DNHD1: variants seen among roughly 807,000 people sequenced by gnomAD.
DNHD1 encodes dynein heavy chain domain-containing protein 1.
In DNHD1, 383 loss-of-function variants were observed where a neutral mutation model predicts 458.1. That is an observed-to-expected ratio of 0.84 (90% CI 0.77 to 0.91). DNHD1 has a LOEUF of 0.91. Among genes scored for constraint, DNHD1 ranks in the 40% least tolerant of loss-of-function variants. DNHD1 has a pLI of 0.00. For synonymous variants in DNHD1, 2,203 were observed against 2,376.9 expected, an observed-to-expected ratio of 0.93 and a Z score of 2.13; for missense variants, 5,336 against 5,866.1, an observed-to-expected ratio of 0.91 and a Z score of 2.95.
chr11:6,511,155 A>C, intron 6 of DNHD1, 118 bp from the exon 7 acceptor site: 4 of 1,358,926 alleles, frequency 2.9e-6, no homozygotes, highest in East Asian at 2.3e-5. Context: ...ACTGTTGGTA[A>C]TATTACAATC....
rs1439194822 is a variant in DNHD1, at chr11:6,529,078, C to T, written c.2304C>T (p.Gly768=). 2.6e-6 allele frequency: 4 copies of T among 1,550,506 alleles called. No individual in the cohort carries two copies. The highest frequency in any genetic ancestry group is 2.4e-5 in the East Asian group (1 of 40,932). The change falls in exon 12 of 43, where the codon GGC becomes GGT. Residue 768 remains glycine (G), a synonymous_variant. Coordinates refer to ENST00000254579, the MANE Select transcript of DNHD1 (RefSeq NM_144666.3). ...TGCCTATCGAGTTGCTCACAAAAGG[C>T]GGGTTGCTGCTACTTAGCTGCCATG... The part of the protein sequence containing the change: ...SSMPIELLTK[G]GLLLLSCHDV...
At chr11:6,533,496 T>A (rs1211545179) in intron 13 of DNHD1, among the ~76,000 whole-genome samples, 185 bp from the exon 14 acceptor site, 19 of 152,154 alleles carry the variant, frequency 1.2e-4, no homozygotes, top group Non-Finnish European at 2.4e-4. Flanking sequence ...GAGATCTGGG[T>A]CAGAGAGAGA....
At chr11:6,508,731 TA>T in intron 4 of DNHD1, 148 bp from the exon 5 acceptor site, 1 of 676,002 alleles carries the variant, frequency 1.5e-6, no homozygotes, top group Non-Finnish European at 2.4e-6. Flanking sequence ...CTTTCTAGTT[TA>T]AAAATCATTC....
intron 19 of DNHD1, 115 bp downstream of exon 19, chr11:6,544,361 A>T (rs1289137606): frequency 1.2e-5 from 15 of 1,271,158 alleles, no homozygotes; most frequent in African/African-American, 8.9e-5. Flanking sequence ...CACAGTGAGG[A>T]CCTCCTTCAG....
chr11:6,557,517 T>C lies in DNHD1; in HGVS notation c.8222T>C (p.Val2741Ala). ...CCTTATGGCCTTCAGGTCGCCAGAG[T>C]CTCAAACTCCAGAGATCCAAGTCTA... ...EEPYGLQVAR[V>A]SNSRDPSLTP... is the part of the protein sequence containing the mutation. The change falls in exon 25 of 43, where the codon GTC becomes GCC. Residue 2741 changes from valine (V) to alanine (A), a missense_variant. Physicochemically the swap from Val to Ala is moderately conservative, Grantham distance 64. Coordinates refer to ENST00000254579, the MANE Select transcript of DNHD1 (RefSeq NM_144666.3). 14 of 1,551,044 alleles carry C rather than the reference T, an allele frequency of 9.0e-6. No individual in the cohort carries two copies. The highest frequency in any genetic ancestry group is 1.1e-5 in the Non-Finnish European group (13 of 1,146,820).
chr11:6,512,474 G>A (rs555615444), intron 7 of DNHD1, among the ~76,000 whole-genome samples: 17 of 151,796 alleles, frequency 1.1e-4, no homozygotes, highest in South Asian at 1.0e-3. Flanking sequence ...CGCCCACCTC[G>A]GCCTCCCAAA....
chr11:6,500,896 T>C (rs1234410708), intron 3 of DNHD1, among the ~76,000 whole-genome samples: 1 of 152,002 alleles, frequency 6.6e-6, no homozygotes, highest in African/African-American at 2.4e-5. Context: ...TTACAAATTG[T>C]AATAAGTGCT....
Position 6,546,645 on chromosome 11 carries a change from C to G in DNHD1, c.5706C>G (p.Ser1902Arg). 6.8e-7 allele frequency: 1 copy of G among 1,476,970 alleles called. No homozygotes were observed. Among genetic ancestry groups the G allele is most frequent in the Non-Finnish European group, 9.2e-7 (1 of 1,087,492 alleles). The allele number at this position is 1,476,970 out of a possible 1,614,324, so 91.5% of individuals were successfully genotyped here. A position where few individuals can be genotyped will look rare whatever the true frequency, so the allele number is the denominator to read the frequency against. Reference sequence around the variant, plus strand: ...AACCGAAGTGCCAGAAGCCTCGCAGCCTAGCTGCCATTGAGGAGGCTGCCC... The same window carrying G: ...AACCGAAGTGCCAGAAGCCTCGCAGGCTAGCTGCCATTGAGGAGGCTGCCC... ...KEEPKCQKPR[S>R]LAAIEEAALL... is the part of the protein sequence containing the mutation. Residue 1902 changes from serine (S) to arginine (R), a missense_variant, in exon 21 of 43, where the codon AGC (serine) becomes AGG (arginine). Around this residue, in one of 4 missense-constraint regions of DNHD1, gnomAD observed 3,932 missense variants for 4,365.6 expected, o/e 0.90. Transcript: ENST00000254579.
At chr11:6,501,258 TAGC>T (rs1852128808) in intron 3 of DNHD1, among the ~76,000 whole-genome samples, 1 of 151,272 alleles carries the variant, frequency 6.6e-6, no homozygotes, top group East Asian at 1.9e-4. Context: ...AAAAGACAAA[TAGC>T]AGGGCAGCAG....
At position 6,557,557 on chromosome 11, in the gene DNHD1, AC is replaced by A. The variant is rs1366714188; in HGVS notation, c.8264del (p.Pro2755GlnfsTer2). ...RDPSLTPSIG[P>X]VSRGMKESIS... The stretch of plus-strand genomic sequence containing the variant: ...ATCCAAGTCTAACACCATCCATAGG[AC>A]CAGTAAGCAGGGGGATGAAGGAAAG... On this transcript the variant is annotated frameshift_variant, in exon 25 of 43. Coordinates refer to ENST00000254579, the MANE Select transcript of DNHD1 (RefSeq NM_144666.3). LOFTEE classifies it high-confidence loss of function. The A allele has an allele frequency of 6.4e-7, 1 of 1,551,740 alleles. No homozygotes were observed. Among genetic ancestry groups the A allele is most frequent in the Non-Finnish European group, 8.7e-7 (1 of 1,147,002 alleles).
At chr11:6,516,134 G>A (rs1323601085) in intron 7 of DNHD1, among the ~76,000 whole-genome samples, 2 of 151,738 alleles carry the variant, frequency 1.3e-5, no homozygotes, top group Admixed American at 6.6e-5. Context: ...TTTCTGAGAG[G>A]TATATGTTAA....
Position 6,545,050 on chromosome 11 carries a change from C to T in DNHD1, c.4111C>T (p.Leu1371=). ...TAGTGACAGTGAGCTGGTAGCCCTGCTGGCTGCTCGACTGGAATCATGCGA... is the reference window on the plus strand; with the variant it reads ...TAGTGACAGTGAGCTGGTAGCCCTGTTGGCTGCTCGACTGGAATCATGCGA... ...FLSDSELVAL[L]AARLESCEAQ... Residue 1371 remains leucine (L), a synonymous_variant, in exon 21 of 43, where the codon CTG becomes TTG. Transcript: ENST00000254579. The surrounding 1 kb of genome is among the most constrained non-coding windows in gnomAD (Gnocchi z 4.9). 1 of 1,551,902 alleles carries T rather than the reference C, an allele frequency of 6.4e-7. No homozygotes were observed. The highest frequency in any genetic ancestry group is 2.4e-5 in the East Asian group (1 of 40,920).
intron 18 of DNHD1, among the ~76,000 whole-genome samples, chr11:6,540,560 A>G (rs949360105): frequency 6.6e-6 from 1 of 152,234 alleles, no homozygotes; most frequent in African/African-American, 2.4e-5. Flanking sequence ...GGAGAGACAG[A>G]CAATACTATA....
chr11:6,533,740 A>C lies in DNHD1; in HGVS notation c.2565A>C (p.Ala855=). 3 of 1,551,256 alleles carry C rather than the reference A, an allele frequency of 1.9e-6. No homozygotes were observed. The highest frequency in any genetic ancestry group is 2.6e-6 in the Non-Finnish European group (3 of 1,146,920). The change falls in exon 14 of 43, where the codon GCA becomes GCC. Residue 855 remains alanine, a synonymous_variant. Coordinates refer to ENST00000254579, the MANE Select transcript of DNHD1 (RefSeq NM_144666.3). ...AGGAGCGAATGGAATACGTACGGGCACTCCACGAACTCATCCGCAACCACT... is the reference window on the plus strand; with the variant it reads ...AGGAGCGAATGGAATACGTACGGGCCCTCCACGAACTCATCCGCAACCACT... ...ELEERMEYVR[A]LHELIRNHFS...
At chr11:6,520,373 A>G (rs1852581813) in intron 10 of DNHD1, 84 bp downstream of exon 10, 1 of 1,549,328 alleles carries the variant, frequency 6.5e-7, no homozygotes, top group Admixed American at 2.0e-5. Flanking sequence ...AGAAGGCAGG[A>G]GGTCCAGGCT....
At chr11:6,549,983 A>AT (rs1230614574) in intron 24 of DNHD1, among the ~76,000 whole-genome samples, 1 of 152,200 alleles carries the variant, frequency 6.6e-6, no homozygotes, top group East Asian at 1.9e-4. Flanking sequence ...GTTGGAGTCA[A>AT]GGAAGTCAAT....
rs1853510228 is a variant in DNHD1 at position 6,558,199 on chromosome 11, C to CT, written c.8904_8905insT (p.Gln2969SerfsTer51). 1.3e-6 allele frequency: 2 copies of CT among 1,551,608 alleles called. No individual in the cohort carries two copies. The highest frequency in any genetic ancestry group is 2.7e-5 in the African/African-American group (2 of 73,044). Reference sequence around the variant, plus strand: ...TGGCAACCTCAGGCAGTTTCCCTGGCCAGTACACAGAAGCAGATTTGGACC... The same window carrying CT: ...TGGCAACCTCAGGCAGTTTCCCTGGCTCAGTACACAGAAGCAGATTTGGACC... On this transcript the variant is annotated frameshift_variant, in exon 25 of 43. Coordinates refer to ENST00000254579, the MANE Select transcript of DNHD1 (RefSeq NM_144666.3). LOFTEE classifies it high-confidence loss of function.
chr11:6,513,863 A>T (rs1163691073), intron 7 of DNHD1, among the ~76,000 whole-genome samples: 3 of 149,080 alleles, frequency 2.0e-5, no homozygotes, highest in African/African-American at 7.5e-5. Context: ...TTTTTTTTTG[A>T]GACGGAGTCT....
At chr11:6,527,925 G>A (rs1852742450) in intron 10 of DNHD1, among the ~76,000 whole-genome samples, 1 of 152,228 alleles carries the variant, frequency 6.6e-6, no homozygotes, top group Non-Finnish European at 1.5e-5. Context: ...GGACTGGCAT[G>A]TTCAATATTC....
Sources: gnomAD v4.1 joint callset for allele counts (sites outside exome capture counted in the v4.1 genomes callset) on GRCh38, gnomAD v4.1.1 for gene constraint, gnomAD v4.1.1 regional missense constraint, Gnocchi (gnomAD v3.1) non-coding constraint, MANE v1.5 for transcripts, NCBI Gene and HGNC (gene_info 2026-07-23, HGNC 2026-07-21) for gene names.